RGS7: variants seen among roughly 807,000 people sequenced by gnomAD.
RGS7 encodes the protein regulator of G-protein signaling 7.
In RGS7, 27 loss-of-function variants were observed where a neutral mutation model predicts 81.1. The ratio of observed to expected loss-of-function variants is 0.33; its 90% CI spans 0.25 to 0.46. RGS7 has a LOEUF of 0.46. Ranked by LOEUF, RGS7 falls within the 20% of genes least tolerant of loss-of-function variation. RGS7 has a pLI of 1.00. For synonymous variants in RGS7, 208 were observed against 207.7 expected (o/e 1.00, Z -0.01); for missense variants, 396 against 607.4 (o/e 0.65, Z 3.66).
Position 241,024,732 on chromosome 1 carries a change from T to C in RGS7, c.176-41603A>G, listed in dbSNP as rs141687260. 9.9e-3 allele frequency among the ~76,000 whole-genome samples: 1,501 copies of C among 152,252 alleles called. 19 individuals are homozygous for C. Among genetic ancestry groups the C allele is most frequent in the Non-Finnish European group, 0.015 (1,039 of 68,012 alleles). On this transcript the variant is annotated intron_variant, in intron 3 of 18. Transcript: ENST00000440928. ...AGGAAATTGTGGAGAGAGATGTATA[T>C]TGATGCTCAAAAAGACACTGCAGAT...
At chr1:241,033,282 T>A (rs983733847) in intron 3 of RGS7, among the ~76,000 whole-genome samples, 1 of 151,752 alleles carries the variant, frequency 6.6e-6, no homozygotes, top group South Asian at 2.1e-4. Flanking sequence ...ACCCAGGAGG[T>A]GGAGGTTGCA....
chr1:240,892,614 A>C (rs984101949), intron 6 of RGS7, among the ~76,000 whole-genome samples: 12 of 152,182 alleles, frequency 7.9e-5, no homozygotes. Context: ...CTGGAACCTA[A>C]CTGTATGTGT....
At chr1:240,944,260 ATGTGTGTG>A (rs35591630) in intron 4 of RGS7, among the ~76,000 whole-genome samples, 934 of 51,476 alleles carry the variant, frequency 0.018, 29 homozygotes, top group African/African-American at 0.05. Flanking sequence ...GTTATATTAT[ATGTGTGTG>A]TGTGTGTGTG....
intron 2 of RGS7, among the ~76,000 whole-genome samples, chr1:241,232,378 AT>A (rs963879731): frequency 1.2e-4 from 18 of 150,374 alleles, no homozygotes; most frequent in Middle Eastern, 3.4e-3. Context: ...AAATACATAT[AT>A]TTTTTTTTGG....
At chr1:241,153,554 C>A (rs2068903183) in intron 2 of RGS7, among the ~76,000 whole-genome samples, 1 of 152,214 alleles carries the variant, frequency 6.6e-6, no homozygotes, top group Non-Finnish European at 1.5e-5. Context: ...GAAAGACATT[C>A]CCCAACAGAG....
intron 3 of RGS7, among the ~76,000 whole-genome samples, chr1:241,073,321 A>G (rs2062591311): frequency 6.6e-6 from 1 of 152,274 alleles, no homozygotes; most frequent in South Asian, 2.1e-4. Flanking sequence ...CCAGTTTTCC[A>G]TCTGTAATGA....
intron 2 of RGS7, among the ~76,000 whole-genome samples, chr1:241,195,256 A>G (rs4587553): frequency 0.015 from 2,322 of 152,294 alleles, 52 homozygotes; most frequent in African/African-American, 0.053. Context: ...TGGGCGGATC[A>G]CCTGAGGTCA....
intron 2 of RGS7, among the ~76,000 whole-genome samples, chr1:241,130,944 A>AAAAAAAAAAAAAAAAAAAAAC (rs1491202997): frequency 1.3e-5 from 2 of 150,134 alleles, no homozygotes; most frequent in African/African-American, 5.0e-5. Context: ...AAAAAAAAAA[A>AAAAAAAAAAAAAAAAAAAAAC]ACCAAGAGGC....
chr1:240,983,543 C>T (rs1264186807), intron 3 of RGS7, among the ~76,000 whole-genome samples: 1 of 152,146 alleles, frequency 6.6e-6, no homozygotes, highest in Non-Finnish European at 1.5e-5. Flanking sequence ...TCAAGTCAAA[C>T]CAAATTTGTT....
chr1:240,829,551 A>G (rs897170922), intron 9 of RGS7, among the ~76,000 whole-genome samples: 1 of 152,148 alleles, frequency 6.6e-6, no homozygotes, highest in South Asian at 2.1e-4. Context: ...TTCGATTTCT[A>G]TTTCTTTGCA....
intron 3 of RGS7, among the ~76,000 whole-genome samples, chr1:241,064,183 C>CAAAAA (rs140883852): frequency 3.8e-5 from 3 of 78,178 alleles, no homozygotes; most frequent in Non-Finnish European, 5.1e-5. Flanking sequence ...AACTCAGTTT[C>CAAAAA]AAAAAAAAAA....
At chr1:241,088,375 G>A (rs1239455747) in intron 3 of RGS7, among the ~76,000 whole-genome samples, 1 of 151,960 alleles carries the variant, frequency 6.6e-6, no homozygotes, top group Non-Finnish European at 1.5e-5. Context: ...TGATTATTCT[G>A]AGGTAAAGGC....
chr1:241,274,140 T>G (rs934714451), intron 2 of RGS7, among the ~76,000 whole-genome samples: 1 of 152,258 alleles, frequency 6.6e-6, no homozygotes, highest in African/African-American at 2.4e-5. Flanking sequence ...AGTGTCTGGC[T>G]TGATATTAAG....
In RGS7 at chr1:240,820,084, T is replaced by C. The variant is rs142572971; in HGVS notation, c.685-3669A>G. On this transcript the variant is annotated intron_variant, in intron 10 of 18. Transcript: ENST00000440928. ...GACAAATTATGAAAATTATTTGCAA[T>C]GTAAAAGGCTTTGCATGTTTTAGAA... Among the ~76,000 whole-genome samples the C allele has an allele frequency of 7.9e-3, 1,201 of 152,336 alleles. 25 individuals are homozygous for C. Among genetic ancestry groups the C allele is most frequent in the South Asian group, 0.028 (134 of 4,832 alleles).
chr1:241,004,680 A>G (rs2058591076), intron 3 of RGS7, among the ~76,000 whole-genome samples: 1 of 151,382 alleles, frequency 6.6e-6, no homozygotes, highest in South Asian at 2.1e-4. Flanking sequence ...TACTAGACTG[A>G]GTGGGGAAGC....
At chr1:241,077,665 T>C (rs914760552) in intron 3 of RGS7, among the ~76,000 whole-genome samples, 3 of 152,224 alleles carry the variant, frequency 2.0e-5, no homozygotes, top group African/African-American at 7.2e-5. Flanking sequence ...TTTCACACTG[T>C]TATCCTTCAG....
At chr1:240,897,075 GCTGTTTGT>G (rs1669212834) in intron 6 of RGS7, among the ~76,000 whole-genome samples, 1 of 151,368 alleles carries the variant, frequency 6.6e-6, no homozygotes, top group Admixed American at 6.6e-5. Context: ...TCATGATTTG[GCTGTTTGT>G]CTGTTATTGG....
intron 18 of RGS7, among the ~76,000 whole-genome samples, chr1:240,777,517 A>G (rs963708677): frequency 6.6e-6 from 1 of 152,188 alleles, no homozygotes; most frequent in African/African-American, 2.4e-5. Context: ...AGTTTTAGAA[A>G]GGGGTCAGCG....
intron 2 of RGS7, among the ~76,000 whole-genome samples, chr1:241,257,697 C>A (rs1056689897): frequency 2.6e-5 from 4 of 152,148 alleles, no homozygotes; most frequent in Non-Finnish European, 5.9e-5. Flanking sequence ...TCTTTTCTCA[C>A]CTCTCATTCT....
Sources: gnomAD v4.1 joint callset for allele counts (sites outside exome capture counted in the v4.1 genomes callset) on GRCh38, gnomAD v4.1.1 for gene constraint, MANE v1.5 for transcripts, NCBI Gene and HGNC (gene_info 2026-07-23, HGNC 2026-07-21) for gene names.